Variants in ZFYVE19 observed in about 807,000 individuals in gnomAD.
ZFYVE19 encodes the protein abscission/NoCut checkpoint regulator.
Under a neutral mutation model 62.8 loss-of-function variants are expected in ZFYVE19, and 49 were observed. The observed-to-expected ratio is 0.78, with a 90% CI of 0.62 to 0.99. ZFYVE19 has a LOEUF of 0.99. Ranked by LOEUF, ZFYVE19 falls within the 50% of genes least tolerant of loss-of-function variation. The pLI is 0.00. For missense variants in ZFYVE19, 630 were observed against 601.9 expected (o/e 1.05, Z -0.49); for synonymous variants, 242 against 234.3 (o/e 1.03, Z -0.30).
Position 40,809,158 on chromosome 15 carries a change from T to C in ZFYVE19, c.319T>C (p.Cys107Arg). 1 of 1,614,200 alleles carries C rather than the reference T, an allele frequency of 6.2e-7. No individual in the cohort carries two copies. The highest frequency in any genetic ancestry group is 8.5e-7 in the Non-Finnish European group (1 of 1,180,026). Residue 107 changes from cysteine to arginine, a missense_variant, in exon 2 of 11, where the codon TGC becomes CGC. Coordinates refer to ENST00000355341, the MANE Select transcript of ZFYVE19 (RefSeq NM_001077268.2). ...KNCGRAFCSGCLSFSAAVPRT... is the reference protein window; with the variant it reads ...KNCGRAFCSGRLSFSAAVPRT... Reference sequence around the variant, plus strand: ...TTGTGGCAGGGCCTTCTGTTCAGGCTGCCTAAGCTTCAGTGCAGCAGTGCC... The same window carrying C: ...TTGTGGCAGGGCCTTCTGTTCAGGCCGCCTAAGCTTCAGTGCAGCAGTGCC...
rs1304933573 is a variant in ZFYVE19 at position 40,809,858 on chromosome 15, G to A, written c.459G>A (p.Val153=). The change falls in exon 4 of 11, where the codon GTG becomes GTA. Residue 153 remains valine, a synonymous_variant. Transcript: ENST00000355341. ...CTATCTCATATCCTGCCAGGCGTGT[G>A]GCAGCCTTGGAAGCCAAGCAAAAGC... ...WSPPQNYKKR[V]AALEAKQKPS... 1.9e-6 allele frequency: 3 copies of A among 1,614,172 alleles called. No homozygotes were observed. The highest frequency in any genetic ancestry group is 2.5e-6 in the Non-Finnish European group (3 of 1,180,026).
chr15:40,807,712 AGGGCAGGGAAGGGAAGGGCGGAGCT>A lies in ZFYVE19; in HGVS notation c.127_151del (p.Gln43ValfsTer58). 1.7e-6 allele frequency: 2 copies of A among 1,143,394 alleles called. No homozygotes were observed. The highest frequency in any genetic ancestry group is 1.2e-6 in the Non-Finnish European group (1 of 839,680). 70.8% of individuals were successfully genotyped at this position (1,143,394 alleles called of 1,614,324 possible). On this transcript the variant is annotated frameshift_variant, in exon 1 of 11. Coordinates refer to ENST00000355341, the MANE Select transcript of ZFYVE19 (RefSeq NM_001077268.2). LOFTEE classifies it high-confidence loss of function. ...TGCCAGTGGGCGTGTGGGGCGGGGCAGGGCAGGGAAGGGAAGGGCGGAGCTGGGGTGAGGGTCCAAGGGGCCCAGG... is the reference window on the plus strand; with the variant it reads ...TGCCAGTGGGCGTGTGGGGCGGGGCAGGGGTGAGGGTCCAAGGGGCCCAGG...
At position 40,812,756 on chromosome 15, in the gene ZFYVE19, G is replaced by A; in HGVS notation, c.884G>A (p.Arg295Lys). ...GGCCCAGGGAGCACTAATTCCAAGAGGCAGGCCAACTGGTCCTTGGAGGAG... is the reference window on the plus strand; with the variant it reads ...GGCCCAGGGAGCACTAATTCCAAGAAGCAGGCCAACTGGTCCTTGGAGGAG... Reference protein sequence around the residue: ...QGGPGSTNSKRQANWSLEEEK... With the variant: ...QGGPGSTNSKKQANWSLEEEK... The change falls in exon 7 of 11, where the codon AGG becomes AAG. Residue 295 changes from arginine to lysine, a missense_variant. By Grantham distance (26) the Arg-to-Lys change is conservative. Coordinates refer to ENST00000355341, the MANE Select transcript of ZFYVE19 (RefSeq NM_001077268.2). 1.2e-6 allele frequency: 2 copies of A among 1,612,534 alleles called. No homozygotes were observed. Among genetic ancestry groups the A allele is most frequent in the Non-Finnish European group, 1.7e-6 (2 of 1,180,024 alleles).
chr15:40,813,378 C>T lies in ZFYVE19; in HGVS notation c.1071C>T (p.Asp357=), dbSNP rs201883316. 6.2e-6 allele frequency: 10 copies of T among 1,612,152 alleles called. No homozygotes were observed. In the Admixed American group the frequency reaches 1.0e-4, roughly 16 times the overall value. ...QDYRLPDSDD[D]EDEETAIQRV... ...ATCGCCTCCCAGACAGTGATGACGACGAGGATGAGGAGACAGCCATCCAAA... is the reference window on the plus strand; with the variant it reads ...ATCGCCTCCCAGACAGTGATGACGATGAGGATGAGGAGACAGCCATCCAAA... The change falls in exon 8 of 11, where the codon GAC becomes GAT. Residue 357 remains aspartate, a synonymous_variant. Transcript: ENST00000355341.
In ZFYVE19 at chr15:40,812,615, G is replaced by C; in HGVS notation, c.827-84G>C. On this transcript the variant is annotated intron_variant, in intron 6 of 10. Coordinates refer to ENST00000355341, the MANE Select transcript of ZFYVE19 (RefSeq NM_001077268.2). ...AAAAAATTATTAAAGAAAAAGAAAAGAAAAGGTTGAGAAATGGGCTCATTG... is the reference window on the plus strand; with the variant it reads ...AAAAAATTATTAAAGAAAAAGAAAACAAAAGGTTGAGAAATGGGCTCATTG... 3 of 944,572 alleles carry C rather than the reference G, an allele frequency of 3.2e-6. No homozygotes were observed. In the Middle Eastern group the frequency reaches 6.9e-4, roughly 218 times the overall value. 58.5% of individuals were successfully genotyped at this position (944,572 alleles called of 1,614,324 possible). A position where few individuals can be genotyped will look rare whatever the true frequency, so the allele number is the denominator to read the frequency against.
chr15:40,812,772 C>G lies in ZFYVE19; in HGVS notation c.900C>G (p.Ser300=), dbSNP rs1188176425. ...STNSKRQANW[S]LEEEKSRLLA... ...ATTCCAAGAGGCAGGCCAACTGGTC[C>G]TTGGAGGAGGAGAAGAGCAGACTGC... Residue 300 remains serine (S), a synonymous_variant, in exon 7 of 11, where the codon TCC becomes TCG. Transcript: ENST00000355341. 6.2e-7 allele frequency: 1 copy of G among 1,613,056 alleles called. No homozygotes were observed. The highest frequency in any genetic ancestry group is 1.3e-5 in the African/African-American group (1 of 74,908).
At position 40,809,114 on chromosome 15, in the gene ZFYVE19, T is replaced by C; in HGVS notation, c.280-5T>C. The C allele has an allele frequency of 6.2e-7, 1 of 1,613,480 alleles. No homozygotes were observed. Among genetic ancestry groups the C allele is most frequent in the African/African-American group, 1.3e-5 (1 of 75,030 alleles). The stretch of plus-strand genomic sequence containing the variant: ...GGGGGATCTCCCGCTTCATGTTTCT[T>C]GTAGTACGGCTGTAAGAATTGTGGC... On this transcript the variant is annotated splice_polypyrimidine_tract_variant and splice_region_variant and intron_variant, in intron 1 of 10. Transcript: ENST00000355341.
chr15:40,808,010 C>CAGAAA, intron 1 of ZFYVE19, 142 bp downstream of exon 1: 1 of 1,173,882 alleles, frequency 8.5e-7, no homozygotes, highest in Non-Finnish European at 1.2e-6. Context: ...GTTTCCATTT[C>CAGAAA]TGTAAAATGG....
chr15:40,813,261 G>C, intron 7 of ZFYVE19, 77 bp from the exon 8 acceptor site: 1 of 1,420,848 alleles, frequency 7.0e-7, no homozygotes, highest in Non-Finnish European at 9.8e-7. Flanking sequence ...AGTTCTGGGA[G>C]GCAGGAGGGC....
chr15:40,808,057 G>T (rs1021837157), intron 1 of ZFYVE19, 189 bp downstream of exon 1: 2 of 1,008,816 alleles, frequency 2.0e-6, no homozygotes, highest in Non-Finnish European at 3.0e-6. Context: ...TTATGTGAGG[G>T]TCCACTGAAG....
At position 40,814,843 on chromosome 15, in the gene ZFYVE19, GCA is replaced by G. The variant is rs1173817104; in HGVS notation, c.*619_*620del. On this transcript the variant is annotated 3_prime_UTR_variant, in exon 11 of 11. Transcript: ENST00000355341. The stretch of plus-strand genomic sequence containing the variant: ...TCAGCCTCTCTACTACTCACACAAT[GCA>G]CGCAGGAACAATGCACACACACCCT... 1 of 156,988 alleles carries G rather than the reference GCA, an allele frequency of 6.4e-6. No individual in the cohort carries two copies. Among genetic ancestry groups the G allele is most frequent in the African/African-American group, 2.4e-5 (1 of 41,446 alleles). The allele number at this position is 156,988 out of a possible 1,614,324, so 9.7% of individuals were successfully genotyped here. A position where few individuals can be genotyped will look rare whatever the true frequency, so the allele number is the denominator to read the frequency against.
At position 40,813,662 on chromosome 15, in the gene ZFYVE19, G is replaced by A. The variant is rs764647760; in HGVS notation, c.1111-51G>A. 2.0e-5 allele frequency: 30 copies of A among 1,521,022 alleles called. No individual in the cohort carries two copies. The South Asian group carries it at 3.4e-4, about 17-fold the overall frequency. The allele number at this position is 1,521,022 out of a possible 1,614,324, so 94.2% of individuals were successfully genotyped here. A position where few individuals can be genotyped will look rare whatever the true frequency, so the allele number is the denominator to read the frequency against. On this transcript the variant is annotated intron_variant, in intron 8 of 10. Transcript: ENST00000355341. Reference sequence around the variant, plus strand: ...CAGTGCACAGAAATACTGGGAGATGGAGGGCCTGGGCCTGAAGCAGGGGAG... The same window carrying A: ...CAGTGCACAGAAATACTGGGAGATGAAGGGCCTGGGCCTGAAGCAGGGGAG...
intron 5 of ZFYVE19, 125 bp from the exon 6 acceptor site, chr15:40,810,524 T>C (rs1890451677): frequency 1.4e-6 from 2 of 1,471,926 alleles, no homozygotes; most frequent in Admixed American, 2.4e-5. Flanking sequence ...CCAGACCTAC[T>C]TGATTATGTG....
intron 1 of ZFYVE19, chr15:40,808,220 A>C: frequency 6.3e-7 from 1 of 1,593,706 alleles, no homozygotes; most frequent in Non-Finnish European, 8.5e-7. Flanking sequence ...CAAGCCCGTT[A>C]CTCCCTCTGC....
chr15:40,807,140 A>T lies in ZFYVE19; in HGVS notation c.-450A>T. ...TCTAGGAGACAGGGGCCACGGGGAGAGCACAGCCACCCGGCGCGAAGAGCC... is the reference window on the plus strand; with the variant it reads ...TCTAGGAGACAGGGGCCACGGGGAGTGCACAGCCACCCGGCGCGAAGAGCC... On this transcript the variant is annotated 5_prime_UTR_variant, in exon 1 of 11. Coordinates refer to ENST00000355341, the MANE Select transcript of ZFYVE19 (RefSeq NM_001077268.2). 1 of 1,090,572 alleles carries T rather than the reference A, an allele frequency of 9.2e-7. No individual in the cohort carries two copies. Among genetic ancestry groups the T allele is most frequent in the Non-Finnish European group, 1.3e-6 (1 of 783,366 alleles). 67.6% of individuals were successfully genotyped at this position (1,090,572 alleles called of 1,614,324 possible).
Position 40,808,052 on chromosome 15 carries a change from T to C in ZFYVE19, c.279+184T>C, listed in dbSNP as rs1175996238. 6.7e-6 allele frequency: 7 copies of C among 1,048,772 alleles called. No homozygotes were observed. In the South Asian group the frequency reaches 9.6e-5, roughly 14 times the overall value. 65.0% of individuals were successfully genotyped at this position (1,048,772 alleles called of 1,614,324 possible). A position where few individuals can be genotyped will look rare whatever the true frequency, so the allele number is the denominator to read the frequency against. On this transcript the variant is annotated intron_variant, in intron 1 of 10. Transcript: ENST00000355341. The stretch of plus-strand genomic sequence containing the variant: ...CATTCTCTCGCTTTCAGGGTTTATG[T>C]GAGGGTCCACTGAAGTGCTTTAGGT...
At chr15:40,813,685 G>T (rs751429904) in intron 8 of ZFYVE19, 28 bp from the exon 9 acceptor site, 6 of 1,595,740 alleles carry the variant, frequency 3.8e-6, no homozygotes, top group Non-Finnish European at 4.3e-6. Context: ...TGAAGCAGGG[G>T]AGTAGTACAT....
chr15:40,809,960 G>A lies in ZFYVE19; in HGVS notation c.561G>A (p.Glu187=), dbSNP rs753431317. ...AGCGCCTAGCACGACTCCGCCAGGA[G>A]AACAAGCCCAGTGAGCAGGGGCAGA... The part of the protein sequence containing the change: ...IAERLARLRQ[E]NKPKLVPSQA... The change falls in exon 4 of 11, where the codon GAG becomes GAA. Residue 187 remains glutamate (E), a synonymous_variant. Transcript: ENST00000355341. 6.2e-7 allele frequency: 1 copy of A among 1,614,204 alleles called. No homozygotes were observed. Among genetic ancestry groups the A allele is most frequent in the East Asian group, 2.2e-5 (1 of 44,888 alleles).
chr15:40,811,343 G>T (rs1271583214), intron 6 of ZFYVE19, among the ~76,000 whole-genome samples: 1 of 152,190 alleles, frequency 6.6e-6, no homozygotes, highest in African/African-American at 2.4e-5. Context: ...CAGAGCAGTG[G>T]TTTTCAACAA....
Sources: allele counts gnomAD v4.1 joint callset (sites outside exome capture counted in the v4.1 genomes callset), GRCh38; gene constraint gnomAD v4.1.1; transcripts MANE v1.5; gene names NCBI Gene and HGNC (gene_info 2026-07-23, HGNC 2026-07-21).